Variants in LHX8 observed in about 807,000 individuals in gnomAD.
The protein encoded by LHX8 is LIM/homeobox protein Lhx8.
A neutral mutation model predicts 40.3 loss-of-function variants in LHX8; 12 were observed. The observed-to-expected ratio is 0.30, with a 90% CI of 0.19 to 0.48. LHX8 has a LOEUF of 0.48. LHX8 is among the 20% of genes least tolerant of loss of function. The probability of loss-of-function intolerance (pLI) is 0.99; values close to 1 mark genes in which losing one functional copy is unlikely to be tolerated. For missense variants in LHX8, 344 were observed against 433.7 expected (o/e 0.79, Z 1.84); for synonymous variants, 179 against 162.0 (o/e 1.10, Z -0.80).
At chr1:75,170,054 ACTATGTG>A in the LHX8 span, among the ~76,000 whole-genome samples, 1 of 152,180 alleles carries the variant, frequency 6.6e-6, no homozygotes, top group East Asian at 1.9e-4. Context: ...AGAAATGGCC[ACTATGTG>A]CTGTTTGGAT....
chr1:75,192,695 T>A, the LHX8 span, among the ~76,000 whole-genome samples: 2 of 152,032 alleles, frequency 1.3e-5, no homozygotes, highest in Non-Finnish European at 2.9e-5. Context: ...ATGCTTTTGT[T>A]TGTTTGTTTG....
chr1:75,186,187 A>T, the LHX8 span, among the ~76,000 whole-genome samples: 1 of 152,214 alleles, frequency 6.6e-6, no homozygotes, highest in South Asian at 2.1e-4. Flanking sequence ...ACTAGAAAAA[A>T]ACGATTTTAA....
the LHX8 span, among the ~76,000 whole-genome samples, chr1:75,187,298 ATAGACAGTATGC>A: frequency 3.3e-5 from 5 of 152,174 alleles, no homozygotes; most frequent in Non-Finnish European, 7.3e-5. Context: ...ACTCAGCATG[ATAGACAGTATGC>A]TATTTATCAG....
chr1:75,173,672 G>T, the LHX8 span, among the ~76,000 whole-genome samples: 1 of 151,946 alleles, frequency 6.6e-6, no homozygotes, highest in Non-Finnish European at 1.5e-5. Context: ...GTGAGCCACC[G>T]TGCCCAGCCC....
At chr1:75,168,185 G>T in the LHX8 span, among the ~76,000 whole-genome samples, 1 of 152,090 alleles carries the variant, frequency 6.6e-6, no homozygotes, top group Non-Finnish European at 1.5e-5. Flanking sequence ...CTTCAAAGTG[G>T]GCCAGAATGG....
At chr1:75,182,483 C>T in the LHX8 span, among the ~76,000 whole-genome samples, 22 of 151,330 alleles carry the variant, frequency 1.5e-4, no homozygotes, top group African/African-American at 3.6e-4. Context: ...AAGCAATTCT[C>T]CTGCCTCAGG....
chr1:75,191,277 T>C, the LHX8 span, among the ~76,000 whole-genome samples: 1 of 151,864 alleles, frequency 6.6e-6, no homozygotes, highest in Non-Finnish European at 1.5e-5. Flanking sequence ...AGACAGGAAA[T>C]TGACTTGGTC....
chr1:75,178,595 C>T, the LHX8 span, among the ~76,000 whole-genome samples: 1 of 151,868 alleles, frequency 6.6e-6, no homozygotes, highest in Admixed American at 6.6e-5. Context: ...AGAGGTCTAT[C>T]AATTTGTTGA....
At chr1:75,177,553 A>T in the LHX8 span, among the ~76,000 whole-genome samples, 4 of 152,218 alleles carry the variant, frequency 2.6e-5, no homozygotes, top group South Asian at 6.2e-4. Context: ...GAAGTTGCTT[A>T]TCAGCTTAAG....
intron 4 of LHX8, among the ~76,000 whole-genome samples, chr1:75,142,372 A>G (rs1648339218): frequency 6.6e-6 from 1 of 152,194 alleles, no homozygotes; most frequent in South Asian, 2.1e-4. Context: ...GATAGGAGAC[A>G]TAACAAAGAG....
chr1:75,182,425 G>A, the LHX8 span, among the ~76,000 whole-genome samples: 3 of 138,756 alleles, frequency 2.2e-5, no homozygotes, highest in East Asian at 6.6e-4. Flanking sequence ...CCAAGCTGGA[G>A]TGCAATGGTG....
chr1:75,175,441 C>T, the LHX8 span, among the ~76,000 whole-genome samples: 1 of 152,106 alleles, frequency 6.6e-6, no homozygotes, highest in South Asian at 2.1e-4. Flanking sequence ...GAAAGTGTTC[C>T]CTTTTCACCA....
In LHX8 at chr1:75,136,540, C is replaced by T. The variant is rs1021364421; in HGVS notation, c.-12-63C>T. The T allele has an allele frequency of 2.1e-5, 26 of 1,223,114 alleles. 1 individual carries two copies. The highest frequency in any genetic ancestry group is 7.9e-5 in the Admixed American group (4 of 50,516). 75.8% of individuals were successfully genotyped at this position (1,223,114 alleles called of 1,614,324 possible). A position where few individuals can be genotyped will look rare whatever the true frequency, so the allele number is the denominator to read the frequency against. On this transcript the variant is annotated intron_variant, in intron 1 of 8. Coordinates refer to ENST00000356261, the MANE Select transcript of LHX8 (RefSeq NM_001256114.2). ...CTCGCTCCCCGCGCCGAGGCTGGGG[C>T]GGGCAGCACGCTCGGAACTTCTGAT...
chr1:75,185,385 A>G, the LHX8 span, among the ~76,000 whole-genome samples: 2 of 152,212 alleles, frequency 1.3e-5, no homozygotes, highest in Non-Finnish European at 2.9e-5. Context: ...CTAGCAGCAC[A>G]GAAGAAAGCT....
chr1:75,195,836 T>G, the LHX8 span, among the ~76,000 whole-genome samples: 2 of 152,132 alleles, frequency 1.3e-5, no homozygotes, highest in African/African-American at 2.4e-5. Context: ...ATATCTTTCT[T>G]TCTTCAATTC....
chr1:75,168,916 C>T, the LHX8 span, among the ~76,000 whole-genome samples: 546 of 152,342 alleles, frequency 3.6e-3, 4 homozygotes, highest in African/African-American at 0.012. Flanking sequence ...AACATCATCT[C>T]CCACCTGGAC....
intron 1 of LHX8, among the ~76,000 whole-genome samples, chr1:75,135,435 C>A (rs568079318): frequency 6.6e-6 from 1 of 152,218 alleles, no homozygotes; most frequent in Non-Finnish European, 1.5e-5. Flanking sequence ...TGTGAGGACG[C>A]GGCCTCAGTG....
chr1:75,133,707 C>T (rs1183501480), upstream of LHX8, among the ~76,000 whole-genome samples: 1 of 152,188 alleles, frequency 6.6e-6, no homozygotes, highest in African/African-American at 2.4e-5. Context: ...TACCTCCCTC[C>T]GCCGCTTCCC....
chr1:75,196,260 C>T, the LHX8 span, among the ~76,000 whole-genome samples: 1 of 152,032 alleles, frequency 6.6e-6, no homozygotes, highest in African/African-American at 2.4e-5. Context: ...TGGGACACTT[C>T]AGAGGTGACT....
Sources: gnomAD v4.1 joint callset for allele counts (sites outside exome capture counted in the v4.1 genomes callset) on GRCh38, gnomAD v4.1.1 for gene constraint, MANE v1.5 for transcripts, NCBI Gene and HGNC (gene_info 2026-07-23, HGNC 2026-07-21) for gene names.